IGF1R: variants seen among roughly 807,000 people sequenced by gnomAD.
IGF1R encodes insulin-like growth factor 1 receptor.
IGF1R carries 44 observed loss-of-function variants against 144.6 expected under a neutral mutation model. The observed-to-expected ratio is 0.30, with a 90% confidence interval of 0.24 to 0.39. The LOEUF is 0.39. Among genes scored for constraint, IGF1R ranks in the 10% least tolerant of loss-of-function variants. The pLI, the probability that IGF1R is intolerant of heterozygous loss-of-function variation, is 1.00. For missense variants in IGF1R, 1,355 were observed against 1,833.7 expected (o/e 0.74, Z 4.77); for synonymous variants, 795 against 722.8 (o/e 1.10, Z -1.60).
intron 7 of IGF1R, among the ~76,000 whole-genome samples, chr15:98,911,687 G>A (rs180832065): frequency 1.4e-4 from 22 of 152,294 alleles, no homozygotes; most frequent in Admixed American, 5.9e-4. Context: ...TTTAGTGAGT[G>A]ATTAGAGGTG....
chr15:98,897,840 G>A (rs2014280484), intron 4 of IGF1R, among the ~76,000 whole-genome samples: 1 of 152,072 alleles, frequency 6.6e-6, no homozygotes, highest in Non-Finnish European at 1.5e-5. Flanking sequence ...TCAAGGTACT[G>A]ATAGTTTTAT....
At chr15:98,805,802 A>T (rs1400327101) in intron 2 of IGF1R, among the ~76,000 whole-genome samples, 1 of 152,216 alleles carries the variant, frequency 6.6e-6, no homozygotes, top group African/African-American at 2.4e-5. Flanking sequence ...GCTACTCATA[A>T]CATTTCTGAC....
chr15:98,841,262 C>T (rs566713419), intron 2 of IGF1R, among the ~76,000 whole-genome samples: 4 of 151,258 alleles, frequency 2.6e-5, no homozygotes, highest in East Asian at 3.9e-4. Flanking sequence ...AGATGAGCTA[C>T]AAAAAAAAAT....
intron 2 of IGF1R, among the ~76,000 whole-genome samples, chr15:98,745,075 T>A (rs955440736): frequency 2.6e-5 from 4 of 152,214 alleles, no homozygotes; most frequent in Non-Finnish European, 5.9e-5. Context: ...CTTCATGTTT[T>A]AAGGGATGGT....
chr15:98,784,537 A>G (rs1163440491), intron 2 of IGF1R: 1 of 153,962 alleles, frequency 6.5e-6, no homozygotes, highest in Non-Finnish European at 1.5e-5. Flanking sequence ...AGTCTAGGTT[A>G]AGTCATACTT....
intron 2 of IGF1R, among the ~76,000 whole-genome samples, chr15:98,886,283 T>A (rs929135330): frequency 1.3e-5 from 2 of 152,228 alleles, no homozygotes; most frequent in Non-Finnish European, 2.9e-5. Context: ...TGACTCTTTT[T>A]CCTCTCCCCC....
At chr15:98,781,568 T>C (rs1294138933) in intron 2 of IGF1R, among the ~76,000 whole-genome samples, 3 of 152,254 alleles carry the variant, frequency 2.0e-5, no homozygotes. Flanking sequence ...TAGTAAGTAC[T>C]TGACTGAATT....
chr15:98,711,434 G>A (rs2053990224), intron 2 of IGF1R, among the ~76,000 whole-genome samples: 1 of 152,162 alleles, frequency 6.6e-6, no homozygotes, highest in African/African-American at 2.4e-5. Flanking sequence ...ACTCTGCAGT[G>A]TCTGGCAGCG....
intron 7 of IGF1R, among the ~76,000 whole-genome samples, chr15:98,911,894 C>A (rs2015038529): frequency 6.6e-6 from 1 of 152,178 alleles, no homozygotes; most frequent in South Asian, 2.1e-4. Context: ...CTGTGTGCCT[C>A]TCCCAAGCTG....
intron 2 of IGF1R, among the ~76,000 whole-genome samples, chr15:98,792,366 A>G (rs1020200659): frequency 1.3e-5 from 2 of 152,228 alleles, no homozygotes; most frequent in Admixed American, 1.3e-4. Context: ...ATGCATCCTG[A>G]GAGACTAGAG....
intron 1 of IGF1R, among the ~76,000 whole-genome samples, chr15:98,684,951 TTA>T (rs1300546072): frequency 7.9e-4 from 111 of 141,308 alleles, no homozygotes; most frequent in African/African-American, 2.0e-3. Context: ...TTTTTTTTTT[TTA>T]AATTTTTGAG....
At chr15:98,950,242 G>A (rs899552304) in intron 20 of IGF1R, among the ~76,000 whole-genome samples, 4 of 152,190 alleles carry the variant, frequency 2.6e-5, no homozygotes, top group Admixed American at 2.0e-4. Flanking sequence ...CCACAGTGGC[G>A]GGATAATAGA....
intron 2 of IGF1R, among the ~76,000 whole-genome samples, chr15:98,828,844 A>C (rs1270981128): frequency 7.4e-6 from 1 of 135,828 alleles, no homozygotes; most frequent in Non-Finnish European, 1.5e-5. Flanking sequence ...CCTAATATGT[A>C]CTGTGGAGTG....
In IGF1R at chr15:98,922,138, C is replaced by T. The variant is rs1359587144; in HGVS notation, c.2202-10C>T. On this transcript the variant is annotated splice_polypyrimidine_tract_variant and intron_variant, in intron 10 of 20. Transcript: ENST00000650285. Reference sequence around the variant, plus strand: ...AGTACTTAAAAGCCACATTTCTCTCCTCCTTGCAGACCTGAAAGGAAGCGG... The same window carrying T: ...AGTACTTAAAAGCCACATTTCTCTCTTCCTTGCAGACCTGAAAGGAAGCGG... 6.2e-7 allele frequency: 1 copy of T among 1,614,018 alleles called. No homozygotes were observed. Among genetic ancestry groups the T allele is most frequent in the Non-Finnish European group, 8.5e-7 (1 of 1,179,944 alleles).
intron 20 of IGF1R, among the ~76,000 whole-genome samples, chr15:98,952,630 A>G (rs2016823710): frequency 1.3e-5 from 2 of 152,034 alleles, no homozygotes; most frequent in African/African-American, 4.8e-5. Context: ...ACTCGGGTAA[A>G]CGTTTATCTA....
chr15:98,851,686 A>T (rs984569798), intron 2 of IGF1R, among the ~76,000 whole-genome samples: 1 of 152,194 alleles, frequency 6.6e-6, no homozygotes, highest in Non-Finnish European at 1.5e-5. Flanking sequence ...TCCTGTGAGG[A>T]TGGAGAGGCC....
At chr15:98,860,626 A>G (rs1452285466) in intron 2 of IGF1R, among the ~76,000 whole-genome samples, 1 of 152,214 alleles carries the variant, frequency 6.6e-6, no homozygotes, top group Non-Finnish European at 1.5e-5. Flanking sequence ...TTGTTGTATT[A>G]TGCATAATAC....
intron 2 of IGF1R, among the ~76,000 whole-genome samples, chr15:98,850,014 C>T (rs1227567846): frequency 6.6e-6 from 1 of 152,194 alleles, no homozygotes; most frequent in East Asian, 1.9e-4. Flanking sequence ...TATTCTTTGA[C>T]CCACCAATCT....
intron 1 of IGF1R, among the ~76,000 whole-genome samples, chr15:98,702,357 A>G (rs1022375733): frequency 4.7e-4 from 72 of 152,078 alleles, no homozygotes; most frequent in African/African-American, 1.7e-3. Context: ...TAATTTTATT[A>G]TTGTTTTTTG....
Sources: allele counts gnomAD v4.1 joint callset (sites outside exome capture counted in the v4.1 genomes callset), GRCh38; gene constraint gnomAD v4.1.1; transcripts MANE v1.5; gene names NCBI Gene and HGNC (gene_info 2026-07-23, HGNC 2026-07-21).